Variants in FAM13B observed in about 807,000 individuals in gnomAD.
The protein encoded by FAM13B is protein FAM13B.
Under a neutral mutation model 117.3 loss-of-function variants are expected in FAM13B, and 60 were observed. The ratio of observed to expected loss-of-function variants is 0.51; its 90% CI spans 0.42 to 0.63. FAM13B has a LOEUF of 0.63. Ranked by LOEUF, FAM13B falls within the 30% of genes least tolerant of loss-of-function variation. The pLI is 0.00. For missense variants in FAM13B, 972 were observed against 1,091.9 expected, an observed-to-expected ratio of 0.89 and a Z score of 1.55; for synonymous variants, 332 against 356.1, an observed-to-expected ratio of 0.93 and a Z score of 0.76.
At chr5:137,951,790 A>C (rs1765121398) in intron 17 of FAM13B, among the ~76,000 whole-genome samples, 1 of 152,148 alleles carries the variant, frequency 6.6e-6, no homozygotes, top group Non-Finnish European at 1.5e-5. Flanking sequence ...CAGCCTGGGC[A>C]ACATGGCAAA....
Position 137,939,814 on chromosome 5 carries a change from G to T in FAM13B, c.*411C>A, listed in dbSNP as rs1347961743. ...TTTTCAGTCATTCTGTAAGAAAAAG[G>T]CAACAGAAGAATTCAGTATGAAGAT... On this transcript the variant is annotated 3_prime_UTR_variant, in exon 24 of 24. Coordinates refer to ENST00000689681, the MANE Select transcript of FAM13B (RefSeq NM_001385994.1). The T allele has an allele frequency of 5.7e-6, 7 of 1,218,672 alleles. No homozygotes were observed. The highest frequency in any genetic ancestry group is 6.2e-6 in the Non-Finnish European group (6 of 974,804). The allele number at this position is 1,218,672 out of a possible 1,614,324, so 75.5% of individuals were successfully genotyped here.
chr5:137,954,315 A>G lies in FAM13B; in HGVS notation c.1569T>C (p.Ser523=), dbSNP rs1478488863. The change falls in exon 15 of 24, where the codon TCT becomes TCC. Residue 523 remains serine, a synonymous_variant. Coordinates refer to ENST00000689681, the MANE Select transcript of FAM13B (RefSeq NM_001385994.1). ...GATGATTCATTCTTCCAGCTTGTGG[A>G]GACAGCTGAGCTTCTCCAGACTCAG... The part of the protein sequence containing the change: ...EDSESGEAQL[S]PQAGRMNHHP... 6.2e-7 allele frequency: 1 copy of G among 1,613,996 alleles called. No individual in the cohort carries two copies. The highest frequency in any genetic ancestry group is 1.1e-5 in the South Asian group (1 of 91,072).
intron 4 of FAM13B, among the ~76,000 whole-genome samples, chr5:138,012,172 C>T (rs1159931353): frequency 1.3e-5 from 2 of 149,842 alleles, no homozygotes; most frequent in African/African-American, 4.9e-5. Context: ...CCCTTAATTG[C>T]TGGAGGATGT....
intron 17 of FAM13B, among the ~76,000 whole-genome samples, chr5:137,951,965 A>T (rs990706883): frequency 1.3e-5 from 2 of 152,194 alleles, no homozygotes; most frequent in African/African-American, 4.8e-5. Context: ...CAACAGAGTG[A>T]GACTCTGTCT....
intron 7 of FAM13B, among the ~76,000 whole-genome samples, chr5:138,005,938 G>A (rs371741334): frequency 0.012 from 1,700 of 146,318 alleles, 28 homozygotes; most frequent in African/African-American, 0.041. Flanking sequence ...TTGCTCTGTC[G>A]CCCAGGCTGG....
intron 10 of FAM13B, among the ~76,000 whole-genome samples, chr5:137,975,819 GTTTT>G (rs796616691): frequency 1.4e-5 from 2 of 144,294 alleles, no homozygotes; most frequent in African/African-American, 2.5e-5. Context: ...ACTACCCTGG[GTTTT>G]TTTTTTTCTT....
intron 17 of FAM13B, among the ~76,000 whole-genome samples, chr5:137,950,465 A>T (rs545574855): frequency 2.6e-5 from 4 of 152,288 alleles, no homozygotes; most frequent in African/African-American, 9.6e-5. Flanking sequence ...CTTGAAAACC[A>T]CAGTAAGGAG....
At chr5:137,982,093 T>C (rs1273583079) in intron 10 of FAM13B, among the ~76,000 whole-genome samples, 1 of 152,216 alleles carries the variant, frequency 6.6e-6, no homozygotes, top group Non-Finnish European at 1.5e-5. Context: ...GGAAGAGAAG[T>C]GGCATTATCT....
intron 10 of FAM13B, among the ~76,000 whole-genome samples, chr5:137,983,068 TA>T (rs1189415199): frequency 6.9e-6 from 1 of 144,668 alleles, no homozygotes; most frequent in East Asian, 2.1e-4. Flanking sequence ...AGGAAGTGAA[TA>T]AAAATAAGCA....
At chr5:138,005,012 C>T (rs1341322044) in intron 7 of FAM13B, among the ~76,000 whole-genome samples, 1 of 152,286 alleles carries the variant, frequency 6.6e-6, no homozygotes. Flanking sequence ...CCAAGGCAAG[C>T]GGATCACTTG....
In FAM13B at chr5:137,983,188, A is replaced by T. The variant is rs1373704378; in HGVS notation, c.1179+2069T>A. Among the ~76,000 whole-genome samples, 80 of 8,544 alleles carry T rather than the reference A, an allele frequency of 9.4e-3. 1 individual carries two copies. The highest frequency in any genetic ancestry group is 0.019 in the African/African-American group (77 of 4,082). 5.6% of individuals were successfully genotyped at this position (8,544 alleles called of 152,430 possible). On this transcript the variant is annotated intron_variant, in intron 10 of 23. Transcript: ENST00000689681. ...CAGCCAGTGTAGGTAAAAAAAAAAA[A>T]AAAAAAAAAAAAAAAAAAAAAAAAA...
chr5:137,969,030 G>T (rs1173333785), intron 10 of FAM13B, among the ~76,000 whole-genome samples: 1 of 152,220 alleles, frequency 6.6e-6, no homozygotes, highest in Non-Finnish European at 1.5e-5. Context: ...GCGAGGCTGG[G>T]GGAAGGGTGC....
intron 10 of FAM13B, among the ~76,000 whole-genome samples, chr5:137,966,476 TATATATATATATAGAGAGAGAGAG>T (rs1481659231): frequency 9.0e-5 from 6 of 66,906 alleles, no homozygotes; most frequent in African/African-American, 3.3e-4. Flanking sequence ...TATATATATA[TATATATATATATAGAGAGAGAGAG>T]AGAGAGAGAG....
chr5:138,020,707 A>G lies in FAM13B; in HGVS notation c.-36+324T>C, dbSNP rs188435396. 319 of 156,484 alleles carry G rather than the reference A, an allele frequency of 2.0e-3. 2 individuals are homozygous for G. The highest frequency in any genetic ancestry group is 7.2e-3 in the African/African-American group (300 of 41,788). The allele number at this position is 156,484 out of a possible 1,614,324, so 9.7% of individuals were successfully genotyped here. Reference sequence around the variant, plus strand: ...TTCTTTCTCACTGCAAGAGAAAAAAAGCAAATCACAAAAATAAGTCTACTA... The same window carrying G: ...TTCTTTCTCACTGCAAGAGAAAAAAGGCAAATCACAAAAATAAGTCTACTA... On this transcript the variant is annotated intron_variant, in intron 2 of 23. Transcript: ENST00000689681.
intron 18 of FAM13B, among the ~76,000 whole-genome samples, chr5:137,947,080 C>T (rs988452734): frequency 6.6e-6 from 1 of 152,184 alleles, no homozygotes; most frequent in African/African-American, 2.4e-5. Flanking sequence ...TGGTAAGTCT[C>T]GCATACTCTA....
At chr5:137,994,067 G>A (rs1779281889) in intron 7 of FAM13B, among the ~76,000 whole-genome samples, 1 of 152,182 alleles carries the variant, frequency 6.6e-6, no homozygotes, top group Non-Finnish European at 1.5e-5. Flanking sequence ...AGATCACAAG[G>A]TAGTTGATCT....
chr5:137,967,831 T>C (rs1770544429), intron 10 of FAM13B, among the ~76,000 whole-genome samples: 1 of 152,068 alleles, frequency 6.6e-6, no homozygotes, highest in African/African-American at 2.4e-5. Flanking sequence ...AGGCTGAGAT[T>C]GCAGTGAGCT....
intron 7 of FAM13B, among the ~76,000 whole-genome samples, chr5:137,999,759 A>C (rs1254058825): frequency 6.6e-6 from 1 of 152,224 alleles, no homozygotes; most frequent in Non-Finnish European, 1.5e-5. Context: ...TCAAGGCAGC[A>C]GCAGATTCAG....
intron 4 of FAM13B, among the ~76,000 whole-genome samples, chr5:138,012,952 C>T (rs1784408939): frequency 6.6e-6 from 1 of 152,080 alleles, no homozygotes; most frequent in Non-Finnish European, 1.5e-5. Flanking sequence ...GCCTGTAATC[C>T]CAGCACTTTG....
Sources: gnomAD v4.1 joint callset for allele counts (sites outside exome capture counted in the v4.1 genomes callset) on GRCh38, gnomAD v4.1.1 for gene constraint, MANE v1.5 for transcripts, NCBI Gene and HGNC (gene_info 2026-07-23, HGNC 2026-07-21) for gene names.